Variants in JARID2 observed in about 807,000 individuals in gnomAD.
JARID2 encodes the protein protein Jumonji.
Under a neutral mutation model 125.6 loss-of-function variants are expected in JARID2, and 21 were observed. The observed-to-expected ratio is 0.17, with a 90% CI of 0.12 to 0.24. The LOEUF is 0.24. JARID2 is among the 10% of genes least tolerant of loss of function. JARID2 has a pLI of 1.00. For missense variants in JARID2, 1,303 were observed against 1,639.6 expected (o/e 0.79, Z 3.55); for synonymous variants, 736 against 661.6 (o/e 1.11, Z -1.73).
intron 4 of JARID2, among the ~76,000 whole-genome samples, chr6:15,456,715 A>C (rs1768192722): frequency 6.6e-6 from 1 of 152,042 alleles, no homozygotes. Flanking sequence ...CTTAGATAGC[A>C]TCTTTTCTAT....
intron 8 of JARID2, among the ~76,000 whole-genome samples, chr6:15,502,772 T>C (rs1770804599): frequency 6.6e-6 from 1 of 152,144 alleles, no homozygotes; most frequent in South Asian, 2.1e-4. Flanking sequence ...GGCTCCCTTT[T>C]ATCTGAGTCT....
At chr6:15,418,866 C>T (rs1766357346) in intron 3 of JARID2, among the ~76,000 whole-genome samples, 1 of 152,172 alleles carries the variant, frequency 6.6e-6, no homozygotes, top group Non-Finnish European at 1.5e-5. Flanking sequence ...ATATTCACAG[C>T]TACATTGTCT....
At chr6:15,515,047 CTT>C (rs60113331) in intron 16 of JARID2, among the ~76,000 whole-genome samples, 64,288 of 150,882 alleles carry the variant, frequency 0.43, 14,326 homozygotes, top group Middle Eastern at 0.55. Context: ...TCTCTCTGTT[CTT>C]TTTTTTTTTT....
intron 1 of JARID2, among the ~76,000 whole-genome samples, chr6:15,260,604 C>A (rs1759836460): frequency 1.3e-5 from 2 of 152,216 alleles, no homozygotes; most frequent in African/African-American, 4.8e-5. Context: ...TCTGCAGAAA[C>A]TCCTGGTACA....
At chr6:15,417,823 A>G (rs1302720223) in intron 3 of JARID2, among the ~76,000 whole-genome samples, 1 of 152,352 alleles carries the variant, frequency 6.6e-6, no homozygotes, top group Non-Finnish European at 1.5e-5. Context: ...GTTAGTAGCC[A>G]TTGTCAGTAT....
At chr6:15,421,849 C>T (rs1300834879) in intron 3 of JARID2, among the ~76,000 whole-genome samples, 1 of 152,150 alleles carries the variant, frequency 6.6e-6, no homozygotes, top group Non-Finnish European at 1.5e-5. Flanking sequence ...GGTGGGGGTG[C>T]AGTTTGAACT....
At chr6:15,366,897 A>G (rs966258596) in intron 1 of JARID2, among the ~76,000 whole-genome samples, 1 of 151,974 alleles carries the variant, frequency 6.6e-6, no homozygotes, top group Admixed American at 6.5e-5. Flanking sequence ...CAATCCTGCT[A>G]TGTCTATGTT....
At chr6:15,459,688 G>T (rs1768354522) in intron 4 of JARID2, among the ~76,000 whole-genome samples, 1 of 152,216 alleles carries the variant, frequency 6.6e-6, no homozygotes, top group African/African-American at 2.4e-5. Context: ...AACCTGTGGT[G>T]TTTTTTCTAA....
intron 7 of JARID2, among the ~76,000 whole-genome samples, chr6:15,498,819 C>T (rs2237116): frequency 0.25 from 37,912 of 152,102 alleles, 5,263 homozygotes; most frequent in East Asian, 0.43. Context: ...ACGCGTGCAC[C>T]CACGCCCGCT....
At chr6:15,479,907 A>G (rs1432907503) in intron 5 of JARID2, among the ~76,000 whole-genome samples, 1 of 152,244 alleles carries the variant, frequency 6.6e-6, no homozygotes, top group Non-Finnish European at 1.5e-5. Context: ...AACTGTTGGC[A>G]CAGGTTGGCA....
chr6:15,332,277 T>C (rs983019916), intron 1 of JARID2, among the ~76,000 whole-genome samples: 2 of 152,212 alleles, frequency 1.3e-5, no homozygotes, highest in Non-Finnish European at 2.9e-5. Flanking sequence ...CCTCAGGAAT[T>C]TAATTTTTAG....
intron 1 of JARID2, among the ~76,000 whole-genome samples, chr6:15,331,629 G>A (rs1217761153): frequency 3.3e-5 from 5 of 152,128 alleles, no homozygotes; most frequent in Non-Finnish European, 7.4e-5. Context: ...ACTTTGGGAG[G>A]CTGAGGCAGG....
intron 13 of JARID2, 32 bp from the exon 14 acceptor site, chr6:15,512,176 A>AGG: frequency 6.2e-7 from 1 of 1,601,826 alleles, no homozygotes; most frequent in Non-Finnish European, 8.5e-7. Flanking sequence ...GCGCACAGGG[A>AGG]GGGGTGCCTC....
At chr6:15,450,613 C>G (rs545042586) in intron 3 of JARID2, among the ~76,000 whole-genome samples, 1 of 152,106 alleles carries the variant, frequency 6.6e-6, no homozygotes, top group African/African-American at 2.4e-5. Context: ...TTCCTGCCCT[C>G]AAAGAATGTT....
At chr6:15,517,681 G>A (rs1022187903) in intron 17 of JARID2, among the ~76,000 whole-genome samples, 5 of 152,144 alleles carry the variant, frequency 3.3e-5, no homozygotes, top group African/African-American at 9.7e-5. Flanking sequence ...AAGTGTCTGC[G>A]GACACTGGGG....
At position 15,312,990 on chromosome 6, in the gene JARID2, C is replaced by T. The variant is rs369685245; in HGVS notation, c.46-61127C>T. On this transcript the variant is annotated intron_variant, in intron 1 of 17. Coordinates refer to ENST00000341776, the MANE Select transcript of JARID2 (RefSeq NM_004973.4). Reference sequence around the variant, plus strand: ...AAACACTGGCGTTCAGCATCTTTCCCGCAAACCGAGCTGCAGCCTCCAGTT... The same window carrying T: ...AAACACTGGCGTTCAGCATCTTTCCTGCAAACCGAGCTGCAGCCTCCAGTT... Among the ~76,000 whole-genome samples the T allele has an allele frequency of 1.4e-4, 21 of 152,184 alleles. 1 individual carries two copies. Among genetic ancestry groups the T allele is most frequent in the Admixed American group, 7.8e-4 (12 of 15,290 alleles).
At chr6:15,247,472 G>T (rs1406203665) in intron 1 of JARID2, 2 of 983,464 alleles carry the variant, frequency 2.0e-6, no homozygotes, top group Non-Finnish European at 2.4e-6. Flanking sequence ...GGGACCGAGG[G>T]ATTAACCAAA....
At chr6:15,248,502 C>A (rs1278148815) in intron 1 of JARID2, 1 of 146,300 alleles carries the variant, frequency 6.8e-6, no homozygotes, top group Non-Finnish European at 1.5e-5. Context: ...GCAGCGGGCG[C>A]CCCCCACCGC....
intron 1 of JARID2, among the ~76,000 whole-genome samples, chr6:15,368,884 G>A (rs547161129): frequency 1.4e-3 from 219 of 152,262 alleles, no homozygotes; most frequent in Non-Finnish European, 2.5e-3. Context: ...TCTGAAACTT[G>A]ACCGTGTACC....
Sources: allele counts gnomAD v4.1 joint callset (sites outside exome capture counted in the v4.1 genomes callset), GRCh38; gene constraint gnomAD v4.1.1; transcripts MANE v1.5; gene names NCBI Gene and HGNC (gene_info 2026-07-23, HGNC 2026-07-21).